Variants in ZRANB3 observed in about 807,000 individuals in gnomAD.
The protein encoded by ZRANB3 is DNA annealing helicase and endonuclease ZRANB3.
In ZRANB3, 125 loss-of-function variants were observed where a neutral mutation model predicts 133.8. The observed-to-expected ratio is 0.93, with a 90% CI of 0.81 to 1.08. The LOEUF (loss-of-function observed/expected upper bound fraction) is 1.08, where lower values mean the gene tolerates loss of function less well. Among genes scored for constraint, ZRANB3 ranks in the 50% least tolerant of loss-of-function variants. The pLI, the probability that ZRANB3 is intolerant of heterozygous loss-of-function variation, is 0.00. For missense variants in ZRANB3, 1,229 were observed against 1,275.5 expected (o/e 0.96, Z 0.56); for synonymous variants, 387 against 432.7 (o/e 0.89, Z 1.31).
chr2:135,401,637 T>A (rs1439653928), intron 2 of ZRANB3, among the ~76,000 whole-genome samples: 2 of 152,184 alleles, frequency 1.3e-5, no homozygotes, highest in African/African-American at 2.4e-5. Context: ...GTTGACTCAG[T>A]TAGCACATGT....
chr2:135,484,800 A>G (rs1692015403), intron 2 of ZRANB3, among the ~76,000 whole-genome samples: 1 of 151,692 alleles, frequency 6.6e-6, no homozygotes, highest in Middle Eastern at 3.2e-3. Context: ...TTGGGAGGCC[A>G]AAGTGGGCAG....
At chr2:135,472,229 G>A (rs763341059) in intron 2 of ZRANB3, among the ~76,000 whole-genome samples, 3 of 152,108 alleles carry the variant, frequency 2.0e-5, no homozygotes, top group East Asian at 1.9e-4. Context: ...GGCCGGGCAC[G>A]GTGGCTCATG....
chr2:135,283,633 GAATTC>G (rs1681205462), intron 8 of ZRANB3, among the ~76,000 whole-genome samples: 1 of 145,436 alleles, frequency 6.9e-6, no homozygotes, highest in African/African-American at 2.6e-5. Context: ...AAAAAAAACT[GAATTC>G]AATTTTTAAA....
rs138451143 is a variant in ZRANB3 at position 135,451,390 on chromosome 2, C to T, written c.161+52939G>A. On this transcript the variant is annotated intron_variant, in intron 2 of 20. Coordinates refer to ENST00000264159, the MANE Select transcript of ZRANB3 (RefSeq NM_032143.4). ...TAGCCTGGCCAACATGGAGAAACCC[C>T]GTCTCTACTAAAAATACAAAACTTA... is the stretch of plus-strand genomic sequence containing the variant. 7.0e-3 allele frequency among the ~76,000 whole-genome samples: 1,070 copies of T among 151,906 alleles called. 11 individuals carry two copies. The highest frequency in any genetic ancestry group is 0.024 in the African/African-American group (998 of 41,392).
At chr2:135,505,301 C>T (rs763975175) in intron 1 of ZRANB3, among the ~76,000 whole-genome samples, 11 of 152,158 alleles carry the variant, frequency 7.2e-5, no homozygotes, top group African/African-American at 1.2e-4. Context: ...GCGGGCCAGG[C>T]GCGGTGGCTC....
intron 2 of ZRANB3, among the ~76,000 whole-genome samples, chr2:135,501,149 G>A (rs1201303817): frequency 2.6e-5 from 4 of 152,066 alleles, no homozygotes; most frequent in African/African-American, 9.7e-5. Flanking sequence ...CAAGTCAGAT[G>A]ATGCACAAAG....
At chr2:135,258,797 G>T (rs1187408389) in intron 12 of ZRANB3, among the ~76,000 whole-genome samples, 1 of 152,144 alleles carries the variant, frequency 6.6e-6, no homozygotes, top group Non-Finnish European at 1.5e-5. Context: ...ACCATATTCA[G>T]AAAGAAGAGA....
intron 19 of ZRANB3, among the ~76,000 whole-genome samples, chr2:135,205,025 C>T (rs560702595): frequency 6.6e-6 from 1 of 151,968 alleles, no homozygotes; most frequent in African/African-American, 2.4e-5. Flanking sequence ...TGTCCCTCGC[C>T]AATGAGACCA....
intron 2 of ZRANB3, among the ~76,000 whole-genome samples, chr2:135,392,594 A>G (rs1687291597): frequency 6.6e-6 from 1 of 152,040 alleles, no homozygotes; most frequent in South Asian, 2.1e-4. Context: ...TACTAAAAGT[A>G]AAAAATTAGC....
intron 2 of ZRANB3, among the ~76,000 whole-genome samples, chr2:135,479,337 A>C (rs1406859494): frequency 6.6e-6 from 1 of 152,170 alleles, no homozygotes; most frequent in Non-Finnish European, 1.5e-5. Context: ...TCACCTATTT[A>C]AAAAGTACAC....
At chr2:135,376,310 C>T (rs1686426673) in intron 3 of ZRANB3, among the ~76,000 whole-genome samples, 2 of 152,212 alleles carry the variant, frequency 1.3e-5, no homozygotes, top group South Asian at 4.2e-4. Context: ...TTATGGCAGC[C>T]CTAGGAAACT....
chr2:135,219,768 T>A (rs1694458505), intron 15 of ZRANB3, among the ~76,000 whole-genome samples: 1 of 152,214 alleles, frequency 6.6e-6, no homozygotes, highest in Admixed American at 6.5e-5. Flanking sequence ...CAAAGCAATG[T>A]CACAGTATCA....
At chr2:135,218,110 C>T (rs992974021) in intron 16 of ZRANB3, among the ~76,000 whole-genome samples, 2 of 152,124 alleles carry the variant, frequency 1.3e-5, no homozygotes, top group African/African-American at 4.8e-5. Context: ...TCTCACCCAG[C>T]CAAGAGATCT....
At chr2:135,399,420 G>A (rs1239914910) in intron 2 of ZRANB3, among the ~76,000 whole-genome samples, 1 of 152,154 alleles carries the variant, frequency 6.6e-6, no homozygotes, top group East Asian at 1.9e-4. Flanking sequence ...TATGAACAAT[G>A]TTATAGGAAA....
In ZRANB3 at chr2:135,507,504, C is replaced by T. The variant is rs953122083; in HGVS notation, c.-7-3008G>A. On this transcript the variant is annotated intron_variant, in intron 1 of 20. Transcript: ENST00000264159. ...TGGCAAGGCTAACAGCAGCAGAAAA[C>T]CATGTCCACTTTCCAGAAGTAACAG... Among the ~76,000 whole-genome samples, 8 of 152,258 alleles carry T rather than the reference C, an allele frequency of 5.3e-5. No individual in the cohort carries two copies. The South Asian group carries it at 1.5e-3, about 28-fold the overall frequency.
intron 8 of ZRANB3, among the ~76,000 whole-genome samples, chr2:135,306,291 T>C (rs1194150524): frequency 2.0e-5 from 3 of 150,634 alleles, no homozygotes; most frequent in African/African-American, 7.3e-5. Context: ...CTGATTTTTT[T>C]TTTTTTTTTT....
intron 2 of ZRANB3, among the ~76,000 whole-genome samples, chr2:135,423,656 G>C (rs1449971754): frequency 6.6e-6 from 1 of 152,118 alleles, no homozygotes; most frequent in African/African-American, 2.4e-5. Flanking sequence ...TTATAGAGTT[G>C]GAACAGTCAC....
chr2:135,446,146 C>A (rs1690011962), intron 2 of ZRANB3, among the ~76,000 whole-genome samples: 2 of 149,612 alleles, frequency 1.3e-5, no homozygotes. Flanking sequence ...GCAGAGGTTG[C>A]AGTGAGCTGA....
chr2:135,336,881 G>T (rs1408858769), intron 6 of ZRANB3, among the ~76,000 whole-genome samples: 1 of 151,834 alleles, frequency 6.6e-6, no homozygotes, highest in African/African-American at 2.4e-5. Context: ...TTTACAGTCT[G>T]CAACAATTAC....
Sources: gnomAD v4.1 joint callset for allele counts (sites outside exome capture counted in the v4.1 genomes callset) on GRCh38, gnomAD v4.1.1 for gene constraint, MANE v1.5 for transcripts, NCBI Gene and HGNC (gene_info 2026-07-23, HGNC 2026-07-21) for gene names.